Variants in DYNC1LI2 observed in about 807,000 individuals in gnomAD.
The protein encoded by DYNC1LI2 is cytoplasmic dynein 1 light intermediate chain 2.
Under a neutral mutation model 57.8 loss-of-function variants are expected in DYNC1LI2, and 19 were observed. The ratio of observed to expected loss-of-function variants is 0.33; its 90% CI spans 0.23 to 0.48. The LOEUF (loss-of-function observed/expected upper bound fraction) is 0.48. DYNC1LI2 is among the 20% of genes least tolerant of loss of function. The pLI, the probability that DYNC1LI2 is intolerant of heterozygous loss-of-function variation, is 0.99. For missense variants in DYNC1LI2, 470 were observed against 604.2 expected, an observed-to-expected ratio of 0.78 and a Z score of 2.33; for synonymous variants, 256 against 233.4, an observed-to-expected ratio of 1.10 and a Z score of -0.88.
intron 7 of DYNC1LI2, 54 bp downstream of exon 7, chr16:66,732,285 A>C: frequency 6.3e-7 from 1 of 1,589,196 alleles, no homozygotes; most frequent in East Asian, 2.2e-5. Flanking sequence ...AAATGTAAAA[A>C]GCAAATGTAC....
Position 66,751,018 on chromosome 16 carries a change from A to C in DYNC1LI2, c.181+255T>G, listed in dbSNP as rs775838264. On this transcript the variant is annotated intron_variant, in intron 2 of 12. Transcript: ENST00000258198. This position sits in a 1 kb window ranked among gnomAD's most constrained non-coding sequence, Gnocchi z 5.2. Reference sequence around the variant, plus strand: ...AATTTGGTAACCGTCGAGGCAATGAAGGCATAGAGGGCCAAGTGACTGAAA... The same window carrying C: ...AATTTGGTAACCGTCGAGGCAATGACGGCATAGAGGGCCAAGTGACTGAAA... 2.3e-4 allele frequency among the ~76,000 whole-genome samples: 35 copies of C among 152,278 alleles called. No individual in the cohort carries two copies. Among genetic ancestry groups the C allele is most frequent in the Admixed American group, 4.6e-4 (7 of 15,304 alleles).
intron 4 of DYNC1LI2, chr16:66,739,148 C>A (rs868327397): frequency 1.3e-5 from 2 of 152,154 alleles, no homozygotes; most frequent in African/African-American, 4.8e-5. Flanking sequence ...CCGAAGATCT[C>A]GTGAGGCACT....
At chr16:66,745,099 G>A (rs577701030) in intron 3 of DYNC1LI2, among the ~76,000 whole-genome samples, 50 of 151,550 alleles carry the variant, frequency 3.3e-4, no homozygotes, top group Non-Finnish European at 4.6e-4. Context: ...AGTAGAGACC[G>A]GGTTTCACCA....
In DYNC1LI2 at chr16:66,749,275, G is replaced by A; in HGVS notation, c.220C>T (p.Leu74=). The A allele has an allele frequency of 6.2e-7, 1 of 1,614,194 alleles. No individual in the cohort carries two copies. The highest frequency in any genetic ancestry group is 8.5e-7 in the Non-Finnish European group (1 of 1,180,030). ...GSGKTTLMTK[L]QGAEHGKKGR... ...TTTTTGCCATGCTCAGCTCCTTGTA[G>A]TTTAGTCATGAGGGTTGTTTTACCA... The change falls in exon 3 of 13, where the codon CTA becomes TTA. Residue 74 remains leucine (L), a synonymous_variant. Coordinates refer to ENST00000258198, the MANE Select transcript of DYNC1LI2 (RefSeq NM_006141.3).
chr16:66,749,563 G>A (rs1417833700), intron 2 of DYNC1LI2, among the ~76,000 whole-genome samples: 2 of 152,110 alleles, frequency 1.3e-5, no homozygotes, highest in Admixed American at 1.3e-4. Context: ...CTTCAAAAGG[G>A]AAATAATGAG....
chr16:66,735,987 GA>G, intron 5 of DYNC1LI2, 87 bp downstream of exon 5: 2 of 1,515,304 alleles, frequency 1.3e-6, no homozygotes, highest in Non-Finnish European at 8.9e-7. Context: ...TCTCCCTTGG[GA>G]AAAAAACGTC....
At chr16:66,743,907 T>C (rs1288355311) in intron 3 of DYNC1LI2, among the ~76,000 whole-genome samples, 1 of 152,214 alleles carries the variant, frequency 6.6e-6, no homozygotes. Flanking sequence ...GATAATAATA[T>C]GGTTATGTTT....
At chr16:66,738,530 G>A (rs1162863520) in intron 4 of DYNC1LI2, among the ~76,000 whole-genome samples, 2 of 151,828 alleles carry the variant, frequency 1.3e-5, no homozygotes, top group Non-Finnish European at 2.9e-5. Flanking sequence ...GATTACAGGC[G>A]TGAGCCACAG....
chr16:66,746,026 A>G lies in DYNC1LI2; in HGVS notation c.298+3171T>C, dbSNP rs182966247. 2.1e-3 allele frequency among the ~76,000 whole-genome samples: 313 copies of G among 152,310 alleles called. 4 individuals carry two copies. The South Asian group carries it at 0.041, about 20-fold the overall frequency. On this transcript the variant is annotated intron_variant, in intron 3 of 12. Coordinates refer to ENST00000258198, the MANE Select transcript of DYNC1LI2 (RefSeq NM_006141.3). Reference sequence around the variant, plus strand: ...TTTGTATAAGCAATTAACATGCTATAAAAAAATTTATATTCATGGCTTTGT... The same window carrying G: ...TTTGTATAAGCAATTAACATGCTATGAAAAAATTTATATTCATGGCTTTGT...
At chr16:66,747,759 T>A (rs1431398631) in intron 3 of DYNC1LI2, among the ~76,000 whole-genome samples, 1 of 151,318 alleles carries the variant, frequency 6.6e-6, no homozygotes, top group Non-Finnish European at 1.5e-5. Context: ...TTAGTAGAGA[T>A]GGGGTTTCAC....
intron 4 of DYNC1LI2, among the ~76,000 whole-genome samples, chr16:66,737,687 C>T (rs1246845657): frequency 6.6e-6 from 1 of 152,162 alleles, no homozygotes; most frequent in Non-Finnish European, 1.5e-5. Flanking sequence ...GCAGTGTTCA[C>T]GGCCTATTCC....
At chr16:66,744,030 G>C (rs2017891240) in intron 3 of DYNC1LI2, among the ~76,000 whole-genome samples, 1 of 152,078 alleles carries the variant, frequency 6.6e-6, no homozygotes, top group Non-Finnish European at 1.5e-5. Context: ...AAGAGTAAAA[G>C]TACAGTTGAA....
At chr16:66,741,519 T>C (rs1187260444) in intron 4 of DYNC1LI2, among the ~76,000 whole-genome samples, 3 of 152,172 alleles carry the variant, frequency 2.0e-5, no homozygotes, top group African/African-American at 7.2e-5. Context: ...TGCGAGAAAC[T>C]TGATTTAAAA....
At chr16:66,733,066 C>T (rs2017667488) in intron 6 of DYNC1LI2, 2 of 152,242 alleles carry the variant, frequency 1.3e-5, no homozygotes, top group Admixed American at 1.3e-4. Flanking sequence ...ACTACAGACA[C>T]CACCTCTCTA....
intron 2 of DYNC1LI2, among the ~76,000 whole-genome samples, chr16:66,749,924 A>AC (rs761538069): frequency 2.6e-5 from 4 of 151,458 alleles, no homozygotes; most frequent in Non-Finnish European, 5.9e-5. Flanking sequence ...CCCAAACAAC[A>AC]CCCCCCTTCC....
Position 66,744,769 on chromosome 16 carries a change from A to C in DYNC1LI2, c.299-2101T>G, listed in dbSNP as rs941151774. Among the ~76,000 whole-genome samples the C allele has an allele frequency of 2.0e-5, 3 of 152,286 alleles. No individual in the cohort carries two copies. The East Asian group carries it at 5.8e-4, about 29-fold the overall frequency. ...CAGATGGGGTTTCACCACGTTGGCC[A>C]GGCTGGTCTCGAACTCCTGACCTCA... is the stretch of plus-strand genomic sequence containing the variant. On this transcript the variant is annotated intron_variant, in intron 3 of 12. Transcript: ENST00000258198.
At chr16:66,729,439 C>G (rs908070695) in intron 8 of DYNC1LI2, among the ~76,000 whole-genome samples, 5 of 152,154 alleles carry the variant, frequency 3.3e-5, no homozygotes, top group African/African-American at 1.2e-4. Context: ...CATTCCATCA[C>G]TCCTTCCCAC....
intron 9 of DYNC1LI2, 127 bp downstream of exon 9, chr16:66,728,913 G>C: frequency 1.1e-6 from 1 of 932,936 alleles, no homozygotes. Context: ...GAGGAGACCT[G>C]GTCTCAACCC....
intron 5 of DYNC1LI2, among the ~76,000 whole-genome samples, chr16:66,735,786 G>A (rs769363930): frequency 3.9e-5 from 6 of 152,188 alleles, no homozygotes; most frequent in African/African-American, 1.2e-4. Flanking sequence ...GATTACAGGC[G>A]TGAGCCACCG....
Sources: gnomAD v4.1 joint callset for allele counts (sites outside exome capture counted in the v4.1 genomes callset) on GRCh38, gnomAD v4.1.1 for gene constraint, Gnocchi (gnomAD v3.1) non-coding constraint, MANE v1.5 for transcripts, NCBI Gene and HGNC (gene_info 2026-07-23, HGNC 2026-07-21) for gene names.